The following GRB10 variants were observed in gnomAD, a reference collection of about 807,000 sequenced individuals.
The protein encoded by GRB10 is growth factor receptor bound protein 10.
GRB10 carries 20 observed loss-of-function variants against 80.9 expected under a neutral mutation model. The ratio of observed to expected loss-of-function variants is 0.25; its 90% CI spans 0.17 to 0.36. The LOEUF (loss-of-function observed/expected upper bound fraction) is 0.36, where lower values mean the gene tolerates loss of function less well. Among genes scored for constraint, GRB10 ranks in the 10% least tolerant of loss-of-function variants. The pLI, the probability that GRB10 is intolerant of heterozygous loss-of-function variation, is 1.00. For synonymous variants in GRB10, 291 were observed against 291.5 expected (o/e 1.00, Z 0.02); for missense variants, 548 against 747.7 (o/e 0.73, Z 3.12).
chr7:50,718,424 C>G (rs1445585427), intron 4 of GRB10, among the ~76,000 whole-genome samples: 2 of 152,106 alleles, frequency 1.3e-5, no homozygotes, highest in Non-Finnish European at 2.9e-5. Context: ...GATTATTTTG[C>G]CTTCTACATC....
intron 5 of GRB10, among the ~76,000 whole-genome samples, chr7:50,681,817 G>A (rs1015683564): frequency 5.9e-5 from 9 of 152,198 alleles, no homozygotes; most frequent in African/African-American, 2.2e-4. Context: ...CATGTGAGGT[G>A]TAACTTCCCC....
At chr7:50,659,867 T>C (rs17546202) in intron 7 of GRB10, among the ~76,000 whole-genome samples, 13,311 of 152,270 alleles carry the variant, frequency 0.087, 889 homozygotes, top group Non-Finnish European at 0.11. Flanking sequence ...TCATAAGTAA[T>C]TGAATGACAA....
At chr7:50,722,306 C>T (rs772952751) in intron 4 of GRB10, among the ~76,000 whole-genome samples, 2 of 152,172 alleles carry the variant, frequency 1.3e-5, no homozygotes, top group Non-Finnish European at 2.9e-5. Flanking sequence ...AGATCCAAAG[C>T]GGCTTCCTAA....
At chr7:50,646,638 GA>G (rs1483542583) in intron 7 of GRB10, among the ~76,000 whole-genome samples, 4 of 152,172 alleles carry the variant, frequency 2.6e-5, no homozygotes, top group Non-Finnish European at 4.4e-5. Flanking sequence ...TGTAGTGCTA[GA>G]TTCCGCAAAT....
intron 2 of GRB10, among the ~76,000 whole-genome samples, chr7:50,772,030 G>T (rs775504343): frequency 7.2e-5 from 11 of 152,148 alleles, no homozygotes; most frequent in African/African-American, 1.4e-4. Context: ...CCTAAACCTG[G>T]TACTGAAGTA....
At chr7:50,718,478 C>T (rs759041323) in intron 4 of GRB10, among the ~76,000 whole-genome samples, 14 of 152,068 alleles carry the variant, frequency 9.2e-5, no homozygotes, top group South Asian at 2.1e-4. Flanking sequence ...GCGGCGCCCT[C>T]GGCTCAGGCT....
upstream of GRB10, among the ~76,000 whole-genome samples, chr7:50,785,984 G>A (rs1021118909): frequency 2.0e-5 from 3 of 152,238 alleles, no homozygotes; most frequent in Non-Finnish European, 2.9e-5. Context: ...AGTAGTGGGA[G>A]AGGCTGTGCG....
chr7:50,619,655 G>T (rs2051297461), intron 8 of GRB10, among the ~76,000 whole-genome samples: 1 of 152,184 alleles, frequency 6.6e-6, no homozygotes, highest in Non-Finnish European at 1.5e-5. Flanking sequence ...AAAGGAGAAA[G>T]AACTTGAAAG....
chr7:50,695,831 T>C (rs1169703872), intron 5 of GRB10, among the ~76,000 whole-genome samples: 1 of 152,190 alleles, frequency 6.6e-6, no homozygotes, highest in African/African-American at 2.4e-5. Context: ...AATTGTTACA[T>C]TTGTTCAAAA....
chr7:50,660,803 G>C (rs1326025628), intron 7 of GRB10, among the ~76,000 whole-genome samples: 4 of 151,072 alleles, frequency 2.6e-5, no homozygotes, highest in African/African-American at 9.7e-5. Context: ...AAGCCACAAG[G>C]GACCATCCTG....
intron 4 of GRB10, among the ~76,000 whole-genome samples, chr7:50,720,446 T>TCATAAC (rs761894593): frequency 6.6e-6 from 1 of 152,048 alleles, no homozygotes; most frequent in Non-Finnish European, 1.5e-5. Context: ...TTGTCGAGAC[T>TCATAAC]CATAACCGGT....
chr7:50,596,109 A>G (rs1395410154), intron 17 of GRB10, among the ~76,000 whole-genome samples: 1 of 152,236 alleles, frequency 6.6e-6, no homozygotes, highest in Non-Finnish European at 1.5e-5. Flanking sequence ...GTAACTAACA[A>G]TTAACGAAGG....
At chr7:50,637,586 T>C (rs143329841) in intron 7 of GRB10, among the ~76,000 whole-genome samples, 2,210 of 152,200 alleles carry the variant, frequency 0.015, 62 homozygotes, top group African/African-American at 0.05. Context: ...TGCTCATGGA[T>C]TGGAAGAATC....
rs572684181 is a variant in GRB10 at position 50,628,318 on chromosome 7, C to T, written c.505-1340G>A. On this transcript the variant is annotated intron_variant, in intron 7 of 18. Transcript: ENST00000401949. Reference sequence around the variant, plus strand: ...TTGTCCTGACAAACTCCCTCCGAGGCTCCCCGCTCTCTCTGGCCCCTTTTC... The same window carrying T: ...TTGTCCTGACAAACTCCCTCCGAGGTTCCCCGCTCTCTCTGGCCCCTTTTC... Among the ~76,000 whole-genome samples the T allele has an allele frequency of 2.0e-3, 306 of 152,330 alleles. 1 individual carries two copies. The highest frequency in any genetic ancestry group is 3.9e-3 in the Non-Finnish European group (262 of 68,038).
chr7:50,597,104 G>C (rs2046794608), intron 17 of GRB10, among the ~76,000 whole-genome samples: 2 of 152,124 alleles, frequency 1.3e-5, no homozygotes, highest in African/African-American at 2.4e-5. Context: ...ATGCTGAAAA[G>C]GTAAAAGAAA....
chr7:50,605,615 T>C (rs553685543), intron 14 of GRB10, among the ~76,000 whole-genome samples: 4 of 152,176 alleles, frequency 2.6e-5, no homozygotes, highest in African/African-American at 9.6e-5. Context: ...CGAAACACAT[T>C]CTAGTCCTCC....
At chr7:50,654,484 C>T (rs1302730771) in intron 7 of GRB10, among the ~76,000 whole-genome samples, 1 of 152,184 alleles carries the variant, frequency 6.6e-6, no homozygotes, top group Admixed American at 6.5e-5. Flanking sequence ...TGTGGGATGA[C>T]CTGGTCAGTT....
chr7:50,716,709 T>C (rs1218562387), intron 4 of GRB10, among the ~76,000 whole-genome samples: 1 of 152,156 alleles, frequency 6.6e-6, no homozygotes, highest in African/African-American at 2.4e-5. Context: ...TAACCAGACA[T>C]TGGACACCAC....
chr7:50,763,171 A>C (rs2075953764), intron 2 of GRB10, among the ~76,000 whole-genome samples: 1 of 152,188 alleles, frequency 6.6e-6, no homozygotes, highest in African/African-American at 2.4e-5. Context: ...CACAGCCAAC[A>C]ATCTGAATTT....
Sources: gnomAD v4.1 joint callset for allele counts (sites outside exome capture counted in the v4.1 genomes callset) on GRCh38, gnomAD v4.1.1 for gene constraint, MANE v1.5 for transcripts, NCBI Gene and HGNC (gene_info 2026-07-23, HGNC 2026-07-21) for gene names.